KLHL8: variants seen among roughly 807,000 people sequenced by gnomAD.
KLHL8 encodes the protein kelch-like protein 8.
KLHL8 carries 38 observed loss-of-function variants against 63.5 expected under a neutral mutation model. The ratio of observed to expected loss-of-function variants is 0.60; its 90% CI spans 0.46 to 0.78. The LOEUF is 0.78. Ranked by LOEUF, KLHL8 falls within the 30% of genes least tolerant of loss-of-function variation. The probability of loss-of-function intolerance (pLI) is 0.00; values close to 1 mark genes in which losing one functional copy is unlikely to be tolerated. For missense variants in KLHL8, 566 were observed against 752.4 expected, an observed-to-expected ratio of 0.75 and a Z score of 2.90; for synonymous variants, 224 against 254.3, an observed-to-expected ratio of 0.88 and a Z score of 1.13.
intron 1 of KLHL8, chr4:87,240,175 G>GT (rs1265973696): frequency 6.6e-6 from 1 of 152,152 alleles, no homozygotes; most frequent in Non-Finnish European, 1.5e-5. Flanking sequence ...AGACAAAAAA[G>GT]TTTCTGTCTT....
chr4:87,170,341 AT>A (rs1170577654), intron 7 of KLHL8, 103 bp from the exon 8 acceptor site: 28 of 1,425,948 alleles, frequency 2.0e-5, no homozygotes, highest in Non-Finnish European at 2.7e-5. Flanking sequence ...AGGAAATAAT[AT>A]GATATATAAT....
intron 1 of KLHL8, among the ~76,000 whole-genome samples, chr4:87,237,066 C>T (rs2110074338): frequency 6.6e-6 from 1 of 152,216 alleles, no homozygotes; most frequent in Non-Finnish European, 1.5e-5. Flanking sequence ...GCCACATGTC[C>T]TTCCCATAGC....
chr4:87,172,793 T>A (rs1035947582), intron 6 of KLHL8, among the ~76,000 whole-genome samples: 3 of 152,214 alleles, frequency 2.0e-5, no homozygotes, highest in Non-Finnish European at 4.4e-5. Context: ...TAACCCTTTT[T>A]GGTCTGTCAG....
chr4:87,195,046 A>C (rs1731639702), intron 2 of KLHL8, among the ~76,000 whole-genome samples: 1 of 152,224 alleles, frequency 6.6e-6, no homozygotes. Context: ...TTTCACTAAT[A>C]ATATTTGTTG....
In KLHL8 at chr4:87,164,083, T is replaced by G; in HGVS notation, c.1538-4A>C. 1 of 1,611,136 alleles carries G rather than the reference T, an allele frequency of 6.2e-7. No individual in the cohort carries two copies. Among genetic ancestry groups the G allele is most frequent in the Non-Finnish European group, 8.5e-7 (1 of 1,177,364 alleles). On this transcript the variant is annotated splice_polypyrimidine_tract_variant and splice_region_variant and intron_variant, in intron 8 of 9. Coordinates refer to ENST00000273963, the MANE Select transcript of KLHL8 (RefSeq NM_020803.5). ...GGAGAATTATCATCAAAACCACCTATGTAAAGAAATATTTTAAAAACAGCA... is the reference window on the plus strand; with the variant it reads ...GGAGAATTATCATCAAAACCACCTAGGTAAAGAAATATTTTAAAAACAGCA...
chr4:87,185,563 C>G lies in KLHL8; in HGVS notation c.453G>C (p.Leu151=). 1 of 1,614,188 alleles carries G rather than the reference C, an allele frequency of 6.2e-7. No homozygotes were observed. Among genetic ancestry groups the G allele is most frequent in the South Asian group, 1.1e-5 (1 of 91,084 alleles). Residue 151 remains leucine (L), a synonymous_variant, in exon 3 of 10, where the codon CTG becomes CTC. Coordinates refer to ENST00000273963, the MANE Select transcript of KLHL8 (RefSeq NM_020803.5). The part of the protein sequence containing the change: ...LYAACILQVE[L]VARACCEYMK... ...TGTATTCACAACAAGCTCTAGCCACCAGTTCAACCTGCAGAATACAGGCTG... is the reference window on the plus strand; with the variant it reads ...TGTATTCACAACAAGCTCTAGCCACGAGTTCAACCTGCAGAATACAGGCTG...
At position 87,170,100 on chromosome 4, in the gene KLHL8, G is replaced by A; in HGVS notation, c.1516C>T (p.His506Tyr). 6.2e-7 allele frequency: 1 copy of A among 1,613,854 alleles called. No homozygotes were observed. The change falls in exon 8 of 10, where the codon CAT becomes TAT. Residue 506 changes from histidine to tyrosine, a missense_variant. Coordinates refer to ENST00000273963, the MANE Select transcript of KLHL8 (RefSeq NM_020803.5). ...RRAGNGVSKL[H>Y]GCLYVVGGFD... is the part of the protein sequence containing the mutation. ...TCACCAACTACGTATAAGCAACCAT[G>A]AAGCTTGCTAACTCCATTGCCTGCT...
chr4:87,186,858 A>C (rs1460209175), intron 2 of KLHL8, among the ~76,000 whole-genome samples: 1 of 152,140 alleles, frequency 6.6e-6, no homozygotes, highest in African/African-American at 2.4e-5. Context: ...ACAATTTATC[A>C]ATCAGAAAAC....
chr4:87,207,366 C>T (rs1280706277), intron 1 of KLHL8: 3 of 654,642 alleles, frequency 4.6e-6, no homozygotes, highest in East Asian at 2.9e-5. Context: ...ACGCTGAGTA[C>T]GTTGTGGAGT....
chr4:87,217,703 G>A (rs890053464), intron 1 of KLHL8, among the ~76,000 whole-genome samples: 2 of 146,502 alleles, frequency 1.4e-5, no homozygotes, highest in African/African-American at 5.1e-5. Flanking sequence ...TGCCCAGGAT[G>A]GTCTCAAACT....
chr4:87,236,310 G>C (rs947628223), intron 1 of KLHL8, among the ~76,000 whole-genome samples: 1 of 151,422 alleles, frequency 6.6e-6, no homozygotes, highest in African/African-American at 2.4e-5. Context: ...CCAGGTTCAA[G>C]TGATTCTCCT....
chr4:87,208,529 G>A (rs1456066598), intron 1 of KLHL8, among the ~76,000 whole-genome samples: 2 of 151,904 alleles, frequency 1.3e-5, no homozygotes, highest in Non-Finnish European at 2.9e-5. Flanking sequence ...GTAGAGATGG[G>A]GTTTTGCCAT....
chr4:87,169,868 GA>G (rs5860062), intron 8 of KLHL8, among the ~76,000 whole-genome samples: 106,231 of 145,800 alleles, frequency 0.73, 38,618 homozygotes, highest in South Asian at 0.85. Flanking sequence ...GTCTCCCTCT[GA>G]AAAAAAAAAA....
intron 6 of KLHL8, among the ~76,000 whole-genome samples, chr4:87,173,816 C>T (rs1055796359): frequency 6.6e-6 from 1 of 151,964 alleles, no homozygotes; most frequent in Non-Finnish European, 1.5e-5. Context: ...TTAATCCATG[C>T]AGTTATCACA....
At chr4:87,174,114 T>C (rs1206296623) in intron 6 of KLHL8, among the ~76,000 whole-genome samples, 2 of 152,184 alleles carry the variant, frequency 1.3e-5, no homozygotes, top group Admixed American at 1.3e-4. Flanking sequence ...AGAATGGTGC[T>C]AATTTGCCAA....
chr4:87,234,092 C>T (rs1429579726), intron 1 of KLHL8, among the ~76,000 whole-genome samples: 1 of 152,122 alleles, frequency 6.6e-6, no homozygotes, highest in Admixed American at 6.5e-5. Context: ...TCATAAATCA[C>T]ATAAGGATGT....
At chr4:87,180,992 C>T (rs1045570983) in intron 4 of KLHL8, among the ~76,000 whole-genome samples, 1 of 152,056 alleles carries the variant, frequency 6.6e-6, no homozygotes, top group Admixed American at 6.5e-5. Flanking sequence ...GCTGTGATTG[C>T]ACCATTGCAT....
At chr4:87,215,945 A>G (rs1732579164) in intron 1 of KLHL8, among the ~76,000 whole-genome samples, 1 of 152,242 alleles carries the variant, frequency 6.6e-6, no homozygotes, top group South Asian at 2.1e-4. Flanking sequence ...ATCATACAAC[A>G]GATTATGTAT....
chr4:87,206,890 T>C (rs1375077935), intron 1 of KLHL8, among the ~76,000 whole-genome samples: 5 of 152,224 alleles, frequency 3.3e-5, no homozygotes, highest in Non-Finnish European at 7.3e-5. Flanking sequence ...CAGTCTACTC[T>C]TTTTTGAAGA....
Sources: gnomAD v4.1 joint callset for allele counts (sites outside exome capture counted in the v4.1 genomes callset) on GRCh38, gnomAD v4.1.1 for gene constraint, MANE v1.5 for transcripts, NCBI Gene and HGNC (gene_info 2026-07-23, HGNC 2026-07-21) for gene names.